Variants in SOCS2 observed in about 807,000 individuals in gnomAD.
SOCS2 encodes CIS-2.
In SOCS2, 10 loss-of-function variants were observed where a neutral mutation model predicts 18.6. That is an observed-to-expected ratio of 0.54 (90% CI 0.33 to 0.91). The LOEUF (loss-of-function observed/expected upper bound fraction) is 0.91. Ranked by LOEUF, SOCS2 falls within the 40% of genes least tolerant of loss-of-function variation. The pLI is 0.02. For missense variants in SOCS2, 231 were observed against 247.2 expected (o/e 0.93, Z 0.44); for synonymous variants, 104 against 104.0 (o/e 1.00, Z 0.00).
In SOCS2 at chr12:93,574,241, C is replaced by T. The variant is rs529500281; in HGVS notation, c.140-481C>T. On this transcript the variant is annotated intron_variant, in intron 1 of 1. Transcript: ENST00000551556. ...TTTTTTTTTTTTTTGGTGGGGGGCA[C>T]ACCAACCATCCAAAAAAGTTGCTTC... 5 of 133,860 alleles carry T rather than the reference C, an allele frequency of 3.7e-5. No homozygotes were observed. The South Asian group carries it at 1.2e-3, about 31-fold the overall frequency. 8.3% of individuals were successfully genotyped at this position (133,860 alleles called of 1,614,324 possible).
chr12:93,591,962 A>G, the SOCS2 span, among the ~76,000 whole-genome samples: 40 of 152,270 alleles, frequency 2.6e-4, no homozygotes, highest in African/African-American at 9.1e-4. Flanking sequence ...GTTTTTGTTA[A>G]TGCAGGGTAA....
chr12:93,607,892 G>C, the SOCS2 span, among the ~76,000 whole-genome samples: 1 of 151,920 alleles, frequency 6.6e-6, no homozygotes, highest in Non-Finnish European at 1.5e-5. Context: ...ATGATGTGGG[G>C]CTTTATTACA....
chr12:93,579,992 G>A (rs2136710456), downstream of SOCS2, among the ~76,000 whole-genome samples: 1 of 152,300 alleles, frequency 6.6e-6, no homozygotes, highest in Non-Finnish European at 1.5e-5. Context: ...ATTTTGTGAT[G>A]TATTATTCAC....
chr12:93,605,456 T>A, the SOCS2 span, among the ~76,000 whole-genome samples: 1 of 152,198 alleles, frequency 6.6e-6, no homozygotes, highest in African/African-American at 2.4e-5. Context: ...CTGTGAAGCC[T>A]TATTTTTAAA....
At chr12:93,590,783 C>CAAAAAAAAAAAAAA in the SOCS2 span, among the ~76,000 whole-genome samples, 7 of 38,950 alleles carry the variant, frequency 1.8e-4, no homozygotes, top group African/African-American at 5.9e-4. Flanking sequence ...GACTCCGCCT[C>CAAAAAAAAAAAAAA]AAAAAAAAAA....
the SOCS2 span, among the ~76,000 whole-genome samples, chr12:93,588,757 C>T: frequency 6.6e-6 from 1 of 152,056 alleles, no homozygotes; most frequent in Non-Finnish European, 1.5e-5. Flanking sequence ...TCTGGGACTA[C>T]AGGCATGCAC....
At chr12:93,625,722 T>C in the SOCS2 span, among the ~76,000 whole-genome samples, 1 of 124,872 alleles carries the variant, frequency 8.0e-6, no homozygotes, top group African/African-American at 3.1e-5. Context: ...CACTCCAGCC[T>C]GGGCAACAGG....
Position 93,572,965 on chromosome 12 carries a change from C to T in SOCS2, c.68C>T (p.Ala23Val), listed in dbSNP as rs1308753707. The T allele has an allele frequency of 1.3e-6, 2 of 1,567,370 alleles. No individual in the cohort carries two copies. The highest frequency in any genetic ancestry group is 1.4e-5 in the African/African-American group (1 of 73,958). ...GEGTRSQWGT[A>V]GSAEEPSPQA... The stretch of plus-strand genomic sequence containing the variant: ...GGGACGCGGAGCCAGTGGGGGACCG[C>T]GGGGTCGGCGGAGGAGCCATCCCCG... The change falls in exon 1 of 2, where the codon GCG becomes GTG. Residue 23 changes from alanine (A) to valine (V), a missense_variant. Transcript: ENST00000551556. This position sits in a 1 kb window ranked among gnomAD's most constrained non-coding sequence, Gnocchi z 5.0.
Position 93,572,805 on chromosome 12 carries a change from T to G in SOCS2, c.-93T>G. On this transcript the variant is annotated 5_prime_UTR_variant, in exon 1 of 2. Coordinates refer to ENST00000551556, the MANE Select transcript of SOCS2 (RefSeq NM_001270471.2). This position sits in a 1 kb window ranked among gnomAD's most constrained non-coding sequence, Gnocchi z 5.0. ...TTCGGACACCCCGCAGGGACTCGTT[T>G]TGGGATTCGCACTGACTTCAAGGAA... The G allele has an allele frequency of 6.0e-6, 9 of 1,512,586 alleles. No homozygotes were observed. The highest frequency in any genetic ancestry group is 1.4e-5 in the African/African-American group (1 of 72,422). The allele number at this position is 1,512,586 out of a possible 1,614,324, so 93.7% of individuals were successfully genotyped here. A position where few individuals can be genotyped will look rare whatever the true frequency, so the allele number is the denominator to read the frequency against.
chr12:93,588,375 T>C (rs1029596550), downstream of SOCS2, among the ~76,000 whole-genome samples: 15 of 152,290 alleles, frequency 9.8e-5, no homozygotes, highest in Admixed American at 9.8e-4. Flanking sequence ...ATATAAAAAA[T>C]AATTTGATAT....
the SOCS2 span, among the ~76,000 whole-genome samples, chr12:93,590,687 C>G: frequency 6.8e-6 from 1 of 147,274 alleles, no homozygotes; most frequent in Non-Finnish European, 1.5e-5. Context: ...CCAGCTACTC[C>G]GGAGGCTGAG....
chr12:93,611,003 C>A, the SOCS2 span, among the ~76,000 whole-genome samples: 1 of 152,058 alleles, frequency 6.6e-6, no homozygotes, highest in South Asian at 2.1e-4. Context: ...TTTAGAACTC[C>A]ACAGGGTTCC....
downstream of SOCS2, among the ~76,000 whole-genome samples, chr12:93,585,349 C>T (rs573001798): frequency 2.0e-5 from 3 of 152,242 alleles, no homozygotes; most frequent in Admixed American, 6.5e-5. Context: ...AACAGCTGGT[C>T]TGAGGTGCTG....
upstream of SOCS2, chr12:93,570,995 G>T (rs1463911367): frequency 6.5e-6 from 1 of 153,868 alleles, no homozygotes; most frequent in East Asian, 1.9e-4. Flanking sequence ...GAGGCGCGTC[G>T]GTCTGGGAAG....
At chr12:93,596,757 G>C in the SOCS2 span, among the ~76,000 whole-genome samples, 4 of 152,136 alleles carry the variant, frequency 2.6e-5, no homozygotes, top group Non-Finnish European at 4.4e-5. Flanking sequence ...GAACCTGGGA[G>C]CTGGAGGTTG....
chr12:93,615,073 C>A, the SOCS2 span, among the ~76,000 whole-genome samples: 2 of 152,048 alleles, frequency 1.3e-5, no homozygotes, highest in Non-Finnish European at 2.9e-5. Flanking sequence ...TTCTCTGAAT[C>A]TCTCCTTATC....
chr12:93,578,352 C>T (rs182983382), downstream of SOCS2, among the ~76,000 whole-genome samples: 18 of 152,228 alleles, frequency 1.2e-4, no homozygotes, highest in Admixed American at 9.8e-4. Context: ...ACGTCATCTT[C>T]GTCAAGTAAT....
the SOCS2 span, among the ~76,000 whole-genome samples, chr12:93,614,541 T>TTTCTTTCTTTCTTTCTTTCTC: frequency 6.8e-5 from 2 of 29,370 alleles, no homozygotes; most frequent in East Asian, 3.0e-3. Context: ...CCTTCCTTCC[T>TTTCTTTCTTTCTTTCTTTCTC]TCTTTCTTTC....
At chr12:93,600,186 T>C in the SOCS2 span, among the ~76,000 whole-genome samples, 2 of 152,344 alleles carry the variant, frequency 1.3e-5, no homozygotes, top group African/African-American at 4.8e-5. Flanking sequence ...AAAAAAATTA[T>C]TTTTCTTTTC....
Sources: allele counts gnomAD v4.1 joint callset (sites outside exome capture counted in the v4.1 genomes callset), GRCh38; gene constraint gnomAD v4.1.1; non-coding constraint Gnocchi (gnomAD v3.1); transcripts MANE v1.5; gene names NCBI Gene and HGNC (gene_info 2026-07-23, HGNC 2026-07-21).